Variants in KCNG2 observed in about 807,000 individuals in gnomAD.
KCNG2 encodes the protein voltage-gated potassium channel regulatory subunit KCNG2.
KCNG2 carries 7 observed loss-of-function variants against 12.3 expected under a neutral mutation model. The observed-to-expected ratio is 0.57, with a 90% CI of 0.32 to 1.07. The LOEUF (loss-of-function observed/expected upper bound fraction) is 1.07. Ranked by LOEUF, KCNG2 falls within the 50% of genes least tolerant of loss-of-function variation. The pLI, the probability that KCNG2 is intolerant of heterozygous loss-of-function variation, is 0.04. For synonymous variants in KCNG2, 414 were observed against 351.4 expected (o/e 1.18, Z -1.99); for missense variants, 703 against 726.0 (o/e 0.97, Z 0.36).
chr18:79,852,642 C>T (rs557600505), intron 1 of KCNG2, among the ~76,000 whole-genome samples: 18 of 152,378 alleles, frequency 1.2e-4, no homozygotes, highest in African/African-American at 4.1e-4. Context: ...GTTGTCCATG[C>T]GGATGGCGGC....
At chr18:79,882,977 A>G (rs2123112692) in intron 3 of KCNG2, among the ~76,000 whole-genome samples, 1 of 152,364 alleles carries the variant, frequency 6.6e-6, no homozygotes, top group Non-Finnish European at 1.5e-5. Context: ...ACTCGCGGGA[A>G]GGACAGCGTG....
At chr18:79,887,116 G>A (rs1257404575) in intron 3 of KCNG2, among the ~76,000 whole-genome samples, 1 of 149,556 alleles carries the variant, frequency 6.7e-6, no homozygotes, top group African/African-American at 2.6e-5. Flanking sequence ...GGGACATGGG[G>A]GCATGAGAGA....
chr18:79,802,114 T>C (rs1207813729), intron 1 of KCNG2, among the ~76,000 whole-genome samples: 1 of 152,236 alleles, frequency 6.6e-6, no homozygotes, highest in Non-Finnish European at 1.5e-5. Flanking sequence ...TATGAGCATT[T>C]CATACACTGT....
At chr18:79,872,378 C>T (rs1247122327) in intron 3 of KCNG2, among the ~76,000 whole-genome samples, 2 of 149,770 alleles carry the variant, frequency 1.3e-5, no homozygotes, top group African/African-American at 2.5e-5. Flanking sequence ...CTCCACCTCC[C>T]GGGTTCAAGT....
intron 3 of KCNG2, among the ~76,000 whole-genome samples, chr18:79,865,400 GA>G: frequency 7.3e-6 from 1 of 136,642 alleles, no homozygotes; most frequent in African/African-American, 3.1e-5. Context: ...TGTGGGTGCT[GA>G]GAGGTCTGGG....
At chr18:79,875,163 C>T (rs1423394580) in intron 3 of KCNG2, among the ~76,000 whole-genome samples, 1 of 152,182 alleles carries the variant, frequency 6.6e-6, no homozygotes, top group Non-Finnish European at 1.5e-5. Context: ...CCTAACTTCC[C>T]CACTCTTCTG....
chr18:79,852,591 C>T (rs1404572339), intron 1 of KCNG2, among the ~76,000 whole-genome samples: 3 of 152,266 alleles, frequency 2.0e-5, no homozygotes, highest in African/African-American at 7.2e-5. Flanking sequence ...ACCACTTGGG[C>T]TTCGCCCTGA....
chr18:79,807,843 C>A (rs866653496), intron 1 of KCNG2, among the ~76,000 whole-genome samples: 697 of 79,418 alleles, frequency 8.8e-3, no homozygotes, highest in Middle Eastern at 0.017. Flanking sequence ...GCTGCCGGGG[C>A]CGCGCTGACC....
intron 1 of KCNG2, among the ~76,000 whole-genome samples, chr18:79,828,844 G>T (rs1978288513): frequency 1.5e-5 from 2 of 132,956 alleles, no homozygotes; most frequent in African/African-American, 6.1e-5. Flanking sequence ...TCCATGATGT[G>T]TGCATGTGTC....
At chr18:79,829,464 CTGGTCAGCCTCTGCCTCCCTATGGCTTG>C (rs1978290025) in intron 1 of KCNG2, among the ~76,000 whole-genome samples, 2 of 152,184 alleles carry the variant, frequency 1.3e-5, no homozygotes, top group Non-Finnish European at 2.9e-5. Context: ...AGTCAAGTAG[CTGGTCAGCCTCTGCCTCCCTATGGCTTG>C]TGGGTCTTTG....
chr18:79,853,082 C>A (rs1245681715), intron 1 of KCNG2, among the ~76,000 whole-genome samples: 1 of 152,218 alleles, frequency 6.6e-6, no homozygotes, highest in Non-Finnish European at 1.5e-5. Flanking sequence ...CTTGTCTGTC[C>A]CTGCGGCAGT....
chr18:79,864,086 G>GCGGGGCGCAGGGGAGCC lies in KCNG2; in HGVS notation c.423_439dup (p.Ala147GlyfsTer56). 9.4e-7 allele frequency: 1 copy of GCGGGGCGCAGGGGAGCC among 1,064,494 alleles called. No homozygotes were observed. Among genetic ancestry groups the GCGGGGCGCAGGGGAGCC allele is most frequent in the Non-Finnish European group, 1.1e-6 (1 of 881,616 alleles). The allele number at this position is 1,064,494 out of a possible 1,614,324, so 65.9% of individuals were successfully genotyped here. A position where few individuals can be genotyped will look rare whatever the true frequency, so the allele number is the denominator to read the frequency against. Reference sequence around the variant, plus strand: ...GAGGCCCGCGCGGGGCCGACGGAGCGCGGGGCGCAGGGGAGCCCGGCGCGC... The same window carrying GCGGGGCGCAGGGGAGCC: ...GAGGCCCGCGCGGGGCCGACGGAGCGCGGGGCGCAGGGGAGCCCGGGGCGCAGGGGAGCCCGGCGCGC... On this transcript the variant is annotated frameshift_variant, in exon 3 of 4. Transcript: ENST00000316249. LOFTEE classifies it high-confidence loss of function.
At chr18:79,798,327 C>G (rs2087379940) in intron 1 of KCNG2, among the ~76,000 whole-genome samples, 1 of 152,046 alleles carries the variant, frequency 6.6e-6, no homozygotes, top group South Asian at 2.1e-4. Context: ...CCGCGCCGCG[C>G]GCGTGGATGG....
At chr18:79,833,912 C>T (rs1379016103) in intron 1 of KCNG2, among the ~76,000 whole-genome samples, 1 of 152,210 alleles carries the variant, frequency 6.6e-6, no homozygotes, top group African/African-American at 2.4e-5. Context: ...GCGATCCTTG[C>T]TAGAGGGTCA....
chr18:79,833,705 G>A (rs1367999327), intron 1 of KCNG2, among the ~76,000 whole-genome samples: 1 of 152,216 alleles, frequency 6.6e-6, no homozygotes, highest in African/African-American at 2.4e-5. Flanking sequence ...TAAATGCATG[G>A]ATAATGAACA....
rs371082737 is a variant in KCNG2, at chr18:79,856,204, C to T, written c.-114-175C>T. On this transcript the variant is annotated intron_variant, in intron 1 of 3. Coordinates refer to ENST00000316249, the MANE Select transcript of KCNG2 (RefSeq NM_012283.2). The stretch of plus-strand genomic sequence containing the variant: ...TTTAATAATTATTCATCCCTGCCTA[C>T]AAAAAAATGGAGCATGCAATGGATT... Among the ~76,000 whole-genome samples the T allele has an allele frequency of 3.9e-5, 6 of 152,020 alleles. No individual in the cohort carries two copies. In the East Asian group the frequency reaches 5.8e-4, roughly 15 times the overall value.
intron 3 of KCNG2, among the ~76,000 whole-genome samples, chr18:79,865,932 T>TGA (rs1568262325): frequency 8.4e-6 from 1 of 119,750 alleles, no homozygotes; most frequent in African/African-American, 3.0e-5. Flanking sequence ...ATCTGGGTGC[T>TGA]GAGGTCTGGA....
At chr18:79,864,755 C>T (rs1305338492) in intron 3 of KCNG2, among the ~76,000 whole-genome samples, 1 of 151,792 alleles carries the variant, frequency 6.6e-6, no homozygotes, top group Non-Finnish European at 1.5e-5. Flanking sequence ...GCTATGGAAC[C>T]GAGGTCTGGG....
chr18:79,814,218 C>T (rs192334322), intron 1 of KCNG2, among the ~76,000 whole-genome samples: 249 of 152,304 alleles, frequency 1.6e-3, no homozygotes, highest in African/African-American at 5.5e-3. Flanking sequence ...AAACATGTCA[C>T]TCCCGTATGA....
Sources: gnomAD v4.1 joint callset for allele counts (sites outside exome capture counted in the v4.1 genomes callset) on GRCh38, gnomAD v4.1.1 for gene constraint, MANE v1.5 for transcripts, NCBI Gene and HGNC (gene_info 2026-07-23, HGNC 2026-07-21) for gene names.